The following NBAS variants were observed in gnomAD, a reference collection of about 807,000 sequenced individuals.
The protein encoded by NBAS is NBAS subunit of NRZ tethering complex, also known as NAG/BC035112 fusion.
NBAS carries 219 observed loss-of-function variants against 302.5 expected under a neutral mutation model. That is an observed-to-expected ratio of 0.72 (90% CI 0.65 to 0.81). The LOEUF is 0.81. Among genes scored for constraint, NBAS ranks in the 30% least tolerant of loss-of-function variants. The probability of loss-of-function intolerance (pLI) is 0.00; values close to 1 mark genes in which losing one functional copy is unlikely to be tolerated. For missense variants in NBAS, 2,932 were observed against 2,841.6 expected, an observed-to-expected ratio of 1.03 and a Z score of -0.72; for synonymous variants, 1,118 against 1,021.6, an observed-to-expected ratio of 1.09 and a Z score of -1.80.
chr2:14,780,909 C>T, the NBAS span, among the ~76,000 whole-genome samples: 1 of 151,802 alleles, frequency 6.6e-6, no homozygotes, highest in Admixed American at 6.6e-5. Context: ...ATTTTAGGTG[C>T]TTATAAAAAG....
chr2:15,540,786 G>A (rs541484072), intron 6 of NBAS, among the ~76,000 whole-genome samples: 2 of 151,772 alleles, frequency 1.3e-5, no homozygotes, highest in Admixed American at 6.6e-5. Flanking sequence ...ACAGTGGCGC[G>A]ATCTGGGCTC....
intron 12 of NBAS, among the ~76,000 whole-genome samples, chr2:15,480,178 A>G (rs1265269677): frequency 6.6e-6 from 1 of 152,054 alleles, no homozygotes; most frequent in African/African-American, 2.4e-5. Flanking sequence ...CATCTCCCCA[A>G]AAAATAAAAA....
In NBAS at chr2:15,534,548, A is replaced by C; in HGVS notation, c.741T>G (p.Gly247=). 1 of 1,601,522 alleles carries C rather than the reference A, an allele frequency of 6.2e-7. No individual in the cohort carries two copies. Among genetic ancestry groups the C allele is most frequent in the Non-Finnish European group, 8.6e-7 (1 of 1,168,242 alleles). ...GAGAACAAATGGTTACTTACCTGTG[A>C]CCAGGGTGGTAAATAGCTGTGTTGA... The part of the protein sequence containing the change: ...HGINTAIYHP[G]HRLLLVGGCE... Residue 247 remains glycine (G), a synonymous_variant, in exon 9 of 52, where the codon GGT becomes GGG. Transcript: ENST00000281513.
intron 19 of NBAS, among the ~76,000 whole-genome samples, chr2:15,462,899 T>C (rs544599931): frequency 3.9e-5 from 6 of 152,036 alleles, no homozygotes; most frequent in Admixed American, 6.6e-5. Flanking sequence ...ATCTGAAAAG[T>C]AGATGGAGGA....
chr2:15,337,930 A>G (rs1672666531), intron 35 of NBAS, among the ~76,000 whole-genome samples: 1 of 152,270 alleles, frequency 6.6e-6, no homozygotes, highest in African/African-American at 2.4e-5. Flanking sequence ...TTTAGAGTGT[A>G]TAACAGCAGA....
intron 9 of NBAS, among the ~76,000 whole-genome samples, chr2:15,521,936 A>T (rs1490666354): frequency 6.6e-6 from 1 of 152,250 alleles, no homozygotes; most frequent in Non-Finnish European, 1.5e-5. Context: ...TGGCCTGCAC[A>T]GTCTAAAATA....
At chr2:14,802,787 G>A in the NBAS span, among the ~76,000 whole-genome samples, 1 of 142,180 alleles carries the variant, frequency 7.0e-6, no homozygotes, top group Admixed American at 7.2e-5. Context: ...ACTATCGCAA[G>A]AACAAAAAAC....
intron 32 of NBAS, among the ~76,000 whole-genome samples, chr2:15,357,733 T>G (rs1205271256): frequency 6.6e-6 from 1 of 152,166 alleles, no homozygotes; most frequent in Non-Finnish European, 1.5e-5. Flanking sequence ...TTACAATATC[T>G]TTAAAGCAAG....
the NBAS span, among the ~76,000 whole-genome samples, chr2:14,954,032 G>A: frequency 6.6e-6 from 1 of 152,130 alleles, no homozygotes; most frequent in Non-Finnish European, 1.5e-5. Context: ...GCCCTACCCT[G>A]CTTCATTCTT....
the NBAS span, among the ~76,000 whole-genome samples, chr2:14,792,383 T>C: frequency 6.6e-6 from 1 of 152,172 alleles, no homozygotes; most frequent in Non-Finnish European, 1.5e-5. Context: ...ATTAACTGGT[T>C]AACACAATAC....
the NBAS span, among the ~76,000 whole-genome samples, chr2:15,076,410 T>G: frequency 6.6e-6 from 1 of 152,244 alleles, no homozygotes; most frequent in Non-Finnish European, 1.5e-5. Context: ...CATGCTAATT[T>G]GAAGGAGGCT....
chr2:15,143,312 C>T, the NBAS span, among the ~76,000 whole-genome samples: 1 of 152,210 alleles, frequency 6.6e-6, no homozygotes, highest in African/African-American at 2.4e-5. Context: ...GTCTGCAGAG[C>T]TGAGATCCAC....
At chr2:15,373,957 G>T (rs371352634) in intron 31 of NBAS, among the ~76,000 whole-genome samples, 20 of 152,124 alleles carry the variant, frequency 1.3e-4, no homozygotes, top group African/African-American at 4.8e-4. Flanking sequence ...CCTCAACAGG[G>T]AAGGTCAGGT....
chr2:15,529,027 G>T (rs958946351), intron 9 of NBAS, among the ~76,000 whole-genome samples: 1 of 151,524 alleles, frequency 6.6e-6, no homozygotes, highest in African/African-American at 2.4e-5. Flanking sequence ...AAAGCTAGCC[G>T]CAATAAATAA....
chr2:15,114,393 A>G, the NBAS span, among the ~76,000 whole-genome samples: 1 of 152,066 alleles, frequency 6.6e-6, no homozygotes, highest in Admixed American at 6.6e-5. Flanking sequence ...TACTCTTCTT[A>G]TGATCCCAGT....
intron 11 of NBAS, among the ~76,000 whole-genome samples, chr2:15,497,884 AT>A (rs1272974336): frequency 6.6e-6 from 1 of 152,160 alleles, no homozygotes; most frequent in East Asian, 1.9e-4. Flanking sequence ...TTAGTAAAAT[AT>A]TTCCTTGTAT....
the NBAS span, among the ~76,000 whole-genome samples, chr2:14,995,212 G>A: frequency 6.6e-6 from 1 of 150,986 alleles, no homozygotes; most frequent in South Asian, 2.1e-4. Context: ...CCTCCCCCCT[G>A]CCCCCACTCC....
chr2:15,474,904 T>C (rs920280479), intron 14 of NBAS, among the ~76,000 whole-genome samples: 2 of 152,214 alleles, frequency 1.3e-5, no homozygotes, highest in Non-Finnish European at 2.9e-5. Context: ...GTCTTGTACA[T>C]ATAATTATCA....
In NBAS at chr2:15,374,729, A is replaced by C. The variant is rs1674650906; in HGVS notation, c.3591-9T>G. On this transcript the variant is annotated splice_polypyrimidine_tract_variant and intron_variant, in intron 30 of 51. Coordinates refer to ENST00000281513, the MANE Select transcript of NBAS (RefSeq NM_015909.4). ...TCAGTTGTAAGCAGCACCTAGAAGA[A>C]ATTAGATAAATTTTTAAAAAGAAGC... is the stretch of plus-strand genomic sequence containing the variant. The C allele has an allele frequency of 6.2e-7, 1 of 1,607,666 alleles. No individual in the cohort carries two copies. Among genetic ancestry groups the C allele is most frequent in the African/African-American group, 1.3e-5 (1 of 74,694 alleles).
Sources: allele counts gnomAD v4.1 joint callset (sites outside exome capture counted in the v4.1 genomes callset), GRCh38; gene constraint gnomAD v4.1.1; transcripts MANE v1.5; gene names NCBI Gene and HGNC (gene_info 2026-07-23, HGNC 2026-07-21).